The following PLCH2 variants were observed in gnomAD, a reference collection of about 807,000 sequenced individuals.
The protein encoded by PLCH2 is phospholipase C eta 2.
PLCH2 carries 98 observed loss-of-function variants against 134.7 expected under a neutral mutation model. That is an observed-to-expected ratio of 0.73 (90% CI 0.62 to 0.86). The LOEUF (loss-of-function observed/expected upper bound fraction) is 0.86. Among genes scored for constraint, PLCH2 ranks in the 40% least tolerant of loss-of-function variants. PLCH2 has a pLI of 0.00. For missense variants in PLCH2, 1,994 were observed against 1,986.6 expected (o/e 1.00, Z -0.07); for synonymous variants, 974 against 827.5 (o/e 1.18, Z -3.04).
rs967953492 is a variant in PLCH2 at position 2,497,786 on chromosome 1, G to A, written c.2224+177G>A. On this transcript the variant is annotated intron_variant, in intron 16 of 21. Transcript: ENST00000378486. ...CCCAGGATGCTGGGGAGGTGGGTGG[G>A]GGAACCCTCCTTGCTAGCGTTGCAA... 17 of 549,548 alleles carry A rather than the reference G, an allele frequency of 3.1e-5. No individual in the cohort carries two copies. In the Admixed American group the frequency reaches 3.3e-4, roughly 11 times the overall value. The allele number at this position is 549,548 out of a possible 1,614,324, so 34.0% of individuals were successfully genotyped here.
chr1:2,502,579 G>C, intron 21 of PLCH2, 170 bp downstream of exon 21: 3 of 765,270 alleles, frequency 3.9e-6, no homozygotes, highest in South Asian at 3.0e-5. Flanking sequence ...CACCCAGCCC[G>C]GGGCCTGCAA....
chr1:2,480,425 C>T (rs1193743804), intron 4 of PLCH2, 113 bp downstream of exon 4: 2 of 1,201,992 alleles, frequency 1.7e-6, no homozygotes, highest in African/African-American at 1.5e-5. Flanking sequence ...CCTGGCAGTG[C>T]CCTCAAGCTG....
In PLCH2 at chr1:2,496,940, C is replaced by G. The variant is rs777800680; in HGVS notation, c.2046C>G (p.Tyr682Ter). Residue 682 changes from tyrosine to a stop codon, truncating the protein, a stop_gained, in exon 15 of 22, where the codon TAC (tyrosine) becomes TAG (stop). Transcript: ENST00000378486. LOFTEE classifies it high-confidence loss of function. ...ACCAGCAGCAGCTCTCCCGCATCTA[C>G]CCCTCCTCCTACCGTGTGGACTCCA... is the stretch of plus-strand genomic sequence containing the variant. ...RFNQQQLSRI[Y>*]PSSYRVDSSN... 9 of 1,613,248 alleles carry G rather than the reference C, an allele frequency of 5.6e-6. No homozygotes were observed. Among genetic ancestry groups the G allele is most frequent in the Non-Finnish European group, 7.6e-6 (9 of 1,179,860 alleles).
rs571653366 is a variant in PLCH2, at chr1:2,502,608, G to A, written c.2959+199G>A. The A allele has an allele frequency of 3.8e-4, 265 of 703,702 alleles. 2 individuals carry two copies. In the African/African-American group the frequency reaches 4.0e-3, roughly 11 times the overall value. The allele number at this position is 703,702 out of a possible 1,614,324, so 43.6% of individuals were successfully genotyped here. A position where few individuals can be genotyped will look rare whatever the true frequency, so the allele number is the denominator to read the frequency against. On this transcript the variant is annotated intron_variant, in intron 21 of 21. Transcript: ENST00000378486. ...CCTGCAAGCAGGCAGGCAGCCATTC[G>A]CCAGCAGCCCCGGGCCCGGGCTGAC...
intron 8 of PLCH2, 45 bp downstream of exon 8, chr1:2,487,763 G>C: frequency 1.3e-6 from 2 of 1,590,646 alleles, no homozygotes; most frequent in East Asian, 4.5e-5. Flanking sequence ...GGTGGGCAGG[G>C]TAGGGTCTCC....
chr1:2,449,020 C>T (rs1420557819), intron 2 of PLCH2, among the ~76,000 whole-genome samples: 1 of 152,190 alleles, frequency 6.6e-6, no homozygotes, highest in Admixed American at 6.5e-5. Flanking sequence ...AGTGGCTCTG[C>T]AGGCTCCAGG....
chr1:2,470,878 C>T (rs565889462), intron 1 of PLCH2, among the ~76,000 whole-genome samples: 27 of 152,260 alleles, frequency 1.8e-4, no homozygotes, highest in African/African-American at 4.8e-4. Flanking sequence ...GTGTCCTGGA[C>T]GGTGGCTGGG....
chr1:2,487,836 CA>C (rs1642368753), intron 8 of PLCH2, 118 bp downstream of exon 8: 1 of 998,720 alleles, frequency 1.0e-6, no homozygotes, highest in Non-Finnish European at 1.5e-6. Flanking sequence ...CTGTGGTGAC[CA>C]GGGGGCTGGT....
chr1:2,451,310 G>A (rs142053034), intron 2 of PLCH2, among the ~76,000 whole-genome samples: 4 of 152,206 alleles, frequency 2.6e-5, no homozygotes, highest in Non-Finnish European at 4.4e-5. Flanking sequence ...GTGCCTCCCC[G>A]GCCCCCGAAG....
intron 2 of PLCH2, among the ~76,000 whole-genome samples, chr1:2,435,818 C>G (rs1271136766): frequency 7.6e-6 from 1 of 131,696 alleles, no homozygotes; most frequent in Non-Finnish European, 1.6e-5. Flanking sequence ...AGCCCCCACA[C>G]CTGGGGGGCT....
At chr1:2,454,275 C>T (rs1374632377) in intron 2 of PLCH2, among the ~76,000 whole-genome samples, 1 of 152,188 alleles carries the variant, frequency 6.6e-6, no homozygotes, top group Non-Finnish European at 1.5e-5. Context: ...GCCAGTGCCC[C>T]GCCCACCATG....
intron 1 of PLCH2, 61 bp from the exon 2 acceptor site, chr1:2,478,415 G>C (rs1054513554): frequency 6.3e-6 from 10 of 1,590,670 alleles, no homozygotes; most frequent in Admixed American, 5.0e-5. Context: ...GCTGACGGCC[G>C]TGTCTCTCCT....
chr1:2,420,318 T>C, the PLCH2 span, among the ~76,000 whole-genome samples: 2 of 152,144 alleles, frequency 1.3e-5, no homozygotes, highest in Admixed American at 1.3e-4. Context: ...CCCTGTGATT[T>C]CAGGACAAAG....
At chr1:2,488,651 A>G (rs1341144505) in intron 8 of PLCH2, among the ~76,000 whole-genome samples, 2 of 152,220 alleles carry the variant, frequency 1.3e-5, no homozygotes, top group African/African-American at 4.8e-5. Context: ...GAAGCTGAAA[A>G]GCTTATAATT....
At chr1:2,442,420 C>T (rs1395150501) in intron 2 of PLCH2, among the ~76,000 whole-genome samples, 2 of 152,300 alleles carry the variant, frequency 1.3e-5, no homozygotes, top group South Asian at 4.1e-4. Context: ...GTGACACGCT[C>T]CCACGCACCC....
Position 2,502,221 on chromosome 1 carries a change from G to C in PLCH2, c.2771G>C (p.Arg924Pro). ...CCGGCCCGGCCCTCCGTTAGCCAGC[G>C]GATCCTGCGGCGCACGGCCAGCGCC... ...RPPARPSVSQ[R>P]ILRRTASAPT... Residue 924 changes from arginine to proline, a missense_variant, in exon 21 of 22, where the codon CGG (arginine) becomes CCG (proline). Coordinates refer to ENST00000378486, the MANE Select transcript of PLCH2 (RefSeq NM_014638.4). 1 of 1,540,468 alleles carries C rather than the reference G, an allele frequency of 6.5e-7. No homozygotes were observed. Among genetic ancestry groups the C allele is most frequent in the South Asian group, 1.2e-5 (1 of 83,672 alleles).
At chr1:2,469,152 G>T (rs1641208689) in intron 1 of PLCH2, among the ~76,000 whole-genome samples, 2 of 152,202 alleles carry the variant, frequency 1.3e-5, no homozygotes, top group Admixed American at 1.3e-4. Flanking sequence ...TGCCTGTCTG[G>T]CCTGCAGAGA....
At chr1:2,454,516 G>A (rs1025417406) in intron 2 of PLCH2, among the ~76,000 whole-genome samples, 9 of 152,174 alleles carry the variant, frequency 5.9e-5, no homozygotes, top group African/African-American at 2.2e-4. Flanking sequence ...CTCCCCAGGG[G>A]CTGAACCAGC....
At position 2,479,369 on chromosome 1, in the gene PLCH2, G is replaced by A. The variant is rs573885638; in HGVS notation, c.272-365G>A. The A allele has an allele frequency of 6.8e-5, 13 of 191,580 alleles. No homozygotes were observed. In the South Asian group the frequency reaches 1.4e-3, roughly 21 times the overall value. 11.9% of individuals were successfully genotyped at this position (191,580 alleles called of 1,614,324 possible). A position where few individuals can be genotyped will look rare whatever the true frequency, so the allele number is the denominator to read the frequency against. ...TGGAGCCGCTGTCCCCACCTGCGGC[G>A]CTGGAGCCCTGGAGGTGTCCAGGGG... is the stretch of plus-strand genomic sequence containing the variant. On this transcript the variant is annotated intron_variant, in intron 2 of 21. Coordinates refer to ENST00000378486, the MANE Select transcript of PLCH2 (RefSeq NM_014638.4).
Sources: allele counts gnomAD v4.1 joint callset (sites outside exome capture counted in the v4.1 genomes callset), GRCh38; gene constraint gnomAD v4.1.1; transcripts MANE v1.5; gene names NCBI Gene and HGNC (gene_info 2026-07-23, HGNC 2026-07-21).